LRP12: variants seen among roughly 807,000 people sequenced by gnomAD.
The protein encoded by LRP12 is LDL receptor related protein 12, also known as low-density lipoprotein receptor-related protein 12.
In LRP12, 14 loss-of-function variants were observed where a neutral mutation model predicts 66.0. That is an observed-to-expected ratio of 0.21 (90% CI 0.14 to 0.33). LRP12 has a LOEUF of 0.33. LRP12 is among the 10% of genes least tolerant of loss of function. The pLI, the probability that LRP12 is intolerant of heterozygous loss-of-function variation, is 1.00. For synonymous variants in LRP12, 357 were observed against 359.1 expected, an observed-to-expected ratio of 0.99 and a Z score of 0.07; for missense variants, 889 against 1,053.4, an observed-to-expected ratio of 0.84 and a Z score of 2.16.
At chr8:104,533,369 A>C (rs1021465539) in intron 1 of LRP12, among the ~76,000 whole-genome samples, 1 of 152,118 alleles carries the variant, frequency 6.6e-6, no homozygotes, top group South Asian at 2.1e-4. Context: ...ACACCTAAGA[A>C]GGTTTGCCAA....
chr8:104,542,700 CACAA>C (rs1239960922), intron 1 of LRP12, among the ~76,000 whole-genome samples: 2 of 152,072 alleles, frequency 1.3e-5, no homozygotes, highest in South Asian at 2.1e-4. Flanking sequence ...TTACCAATAA[CACAA>C]ACAGTTGATT....
chr8:104,498,447 C>T (rs915675127), intron 4 of LRP12, among the ~76,000 whole-genome samples: 2 of 151,380 alleles, frequency 1.3e-5, no homozygotes, highest in Admixed American at 6.6e-5. Flanking sequence ...GTTCAGGTCC[C>T]ACTTATAAGT....
intron 5 of LRP12, chr8:104,496,046 T>C (rs1432257013): frequency 3.3e-5 from 5 of 152,246 alleles, no homozygotes; most frequent in African/African-American, 1.2e-4. Flanking sequence ...AAATCTATTA[T>C]TTGTAATTCT....
At chr8:104,534,179 T>G (rs1167977387) in intron 1 of LRP12, among the ~76,000 whole-genome samples, 1 of 151,914 alleles carries the variant, frequency 6.6e-6, no homozygotes. Flanking sequence ...CTAACTTGGA[T>G]AGATACACAT....
chr8:104,529,600 T>C (rs1045985326), intron 2 of LRP12, among the ~76,000 whole-genome samples: 1 of 152,184 alleles, frequency 6.6e-6, no homozygotes, highest in African/African-American at 2.4e-5. Context: ...TGTAGTACTA[T>C]ATCTATCTAA....
rs533305379 is a variant in LRP12, at chr8:104,568,628, A to G, written c.79+20191T>C. On this transcript the variant is annotated intron_variant, in intron 1 of 6. Transcript: ENST00000276654. ...AGAAATGGGCAAAAGATTTGAATAG[A>G]CATTTCTTCAGAGTATAAACACAAA... Among the ~76,000 whole-genome samples the G allele has an allele frequency of 4.3e-4, 65 of 152,288 alleles. No individual in the cohort carries two copies. In the South Asian group the frequency reaches 0.011, roughly 27 times the overall value.
At chr8:104,583,492 T>A (rs1812286687) in intron 1 of LRP12, among the ~76,000 whole-genome samples, 1 of 152,174 alleles carries the variant, frequency 6.6e-6, no homozygotes, top group Non-Finnish European at 1.5e-5. Context: ...CTAATTACTC[T>A]GTGCCTGTTA....
At chr8:104,491,832 A>G (rs1810637036) in intron 6 of LRP12, among the ~76,000 whole-genome samples, 1 of 152,194 alleles carries the variant, frequency 6.6e-6, no homozygotes, top group African/African-American at 2.4e-5. Flanking sequence ...CAGTTGTTTC[A>G]AAATCTCACA....
intron 3 of LRP12, among the ~76,000 whole-genome samples, chr8:104,503,097 T>C (rs1038105908): frequency 2.0e-5 from 3 of 152,122 alleles, no homozygotes; most frequent in South Asian, 2.1e-4. Flanking sequence ...TTTTGCTTTA[T>C]GTTTAGTGCA....
intron 3 of LRP12, among the ~76,000 whole-genome samples, chr8:104,502,787 A>G (rs1452708038): frequency 2.0e-5 from 3 of 151,272 alleles, no homozygotes. Context: ...GTTTGGTTTT[A>G]AAATATCTTA....
At chr8:104,527,678 G>A (rs1469746114) in intron 2 of LRP12, among the ~76,000 whole-genome samples, 1 of 152,014 alleles carries the variant, frequency 6.6e-6, no homozygotes, top group Non-Finnish European at 1.5e-5. Flanking sequence ...TCTGGGGACT[G>A]TTGTGGGGTA....
In LRP12 at chr8:104,497,765, G is replaced by T; in HGVS notation, c.787C>A (p.Leu263Ile). Residue 263 changes from leucine (L) to isoleucine (I), a missense_variant, in exon 5 of 7, where the codon CTA becomes ATA. By Grantham distance (5) the Leu-to-Ile change is conservative. This residue lies in a region of LRP12 where 800 missense variants were observed against 964.5 expected (regional missense o/e 0.83). Coordinates refer to ENST00000276654, the MANE Select transcript of LRP12 (RefSeq NM_013437.5). The surrounding 1 kb of genome is among the most constrained non-coding windows in gnomAD (Gnocchi z 4.3). ...DCDVPTCGQW[L>I]KYFYGTFNSP... ...TTAAAAGTACCATAAAAATATTTTA[G>T]CCATTGCCCACATGTTGGCACATCA... is the stretch of plus-strand genomic sequence containing the variant. 6.2e-7 allele frequency: 1 copy of T among 1,613,870 alleles called. No homozygotes were observed. Among genetic ancestry groups the T allele is most frequent in the Non-Finnish European group, 8.5e-7 (1 of 1,179,902 alleles).
chr8:104,533,645 G>C (rs1013590696), intron 1 of LRP12, among the ~76,000 whole-genome samples: 1 of 152,000 alleles, frequency 6.6e-6, no homozygotes, highest in African/African-American at 2.4e-5. Flanking sequence ...GTATCTGTAA[G>C]ATAGCATATT....
rs1413595218 is a variant in LRP12 at position 104,528,047 on chromosome 8, G to GT, written c.136+3859dup. On this transcript the variant is annotated intron_variant, in intron 2 of 6. Coordinates refer to ENST00000276654, the MANE Select transcript of LRP12 (RefSeq NM_013437.5). ...GCCTGATTTGTCCAGAACAGTCCTG[G>GT]TTTTGTCACTGGTGCAGCATAATTA... Among the ~76,000 whole-genome samples, 3 of 152,262 alleles carry GT rather than the reference G, an allele frequency of 2.0e-5. No homozygotes were observed. The East Asian group carries it at 5.8e-4, about 29-fold the overall frequency.
At chr8:104,534,393 T>G (rs1255241899) in intron 1 of LRP12, among the ~76,000 whole-genome samples, 1 of 152,056 alleles carries the variant, frequency 6.6e-6, no homozygotes, top group East Asian at 1.9e-4. Flanking sequence ...AGATTTGAAT[T>G]GTATACTTTA....
In LRP12 at chr8:104,490,090, A is replaced by G. The variant is rs1810593017; in HGVS notation, c.*583T>C. 6.6e-6 allele frequency: 1 copy of G among 152,438 alleles called. No homozygotes were observed. The highest frequency in any genetic ancestry group is 2.4e-5 in the African/African-American group (1 of 41,290). 9.4% of individuals were successfully genotyped at this position (152,438 alleles called of 1,614,324 possible). A position where few individuals can be genotyped will look rare whatever the true frequency, so the allele number is the denominator to read the frequency against. The stretch of plus-strand genomic sequence containing the variant: ...CAGTAATTTATCGAACTCTGCCTAA[A>G]TTTCACATGATTGTATGTTAAACGT... On this transcript the variant is annotated 3_prime_UTR_variant, in exon 7 of 7. Coordinates refer to ENST00000276654, the MANE Select transcript of LRP12 (RefSeq NM_013437.5).
rs1286498911 is a variant in LRP12 at position 104,522,601 on chromosome 8, TAAA to T, written c.136+9303_136+9305del. On this transcript the variant is annotated intron_variant, in intron 2 of 6. Transcript: ENST00000276654. ...CTCAGACAGAGACTTCAGCTGTCAT[TAAA>T]AGGTAGGAATATTTGGAAGTTGTAT... 2.6e-5 allele frequency among the ~76,000 whole-genome samples: 4 copies of T among 152,072 alleles called. No homozygotes were observed. The East Asian group carries it at 7.7e-4, about 29-fold the overall frequency.
At chr8:104,494,324 A>C (rs1204250309) in intron 6 of LRP12, among the ~76,000 whole-genome samples, 1 of 152,216 alleles carries the variant, frequency 6.6e-6, no homozygotes, top group Non-Finnish European at 1.5e-5. Flanking sequence ...AGATTTCCTA[A>C]AATACTCCAA....
At chr8:104,506,511 A>C (rs569590519) in intron 3 of LRP12, 1 of 152,138 alleles carries the variant, frequency 6.6e-6, no homozygotes, top group East Asian at 1.9e-4. Flanking sequence ...TTCCAGAACA[A>C]GTCTTAAATG....
Sources: gnomAD v4.1 joint callset for allele counts (sites outside exome capture counted in the v4.1 genomes callset) on GRCh38, gnomAD v4.1.1 for gene constraint, gnomAD v4.1.1 regional missense constraint, Gnocchi (gnomAD v3.1) non-coding constraint, MANE v1.5 for transcripts, NCBI Gene and HGNC (gene_info 2026-07-23, HGNC 2026-07-21) for gene names.